DRC11: variants seen among roughly 807,000 people sequenced by gnomAD.
DRC11 encodes the protein dynein regulatory complex subunit 11, also known as IQ and AAA domain-containing protein 1.
the DRC11 span, chr2:236,399,445 G>A: frequency 6.2e-7 from 1 of 1,613,988 alleles, no homozygotes; most frequent in South Asian, 1.1e-5. The surrounding 1 kb of genome is among the most constrained non-coding windows in gnomAD (Gnocchi z 7.0). Context: ...CTTCATTGCA[G>A]GAAGAAAAAG....
the DRC11 span, among the ~76,000 whole-genome samples, chr2:236,448,752 T>C: frequency 1.1e-4 from 16 of 152,142 alleles, no homozygotes; most frequent in Non-Finnish European, 2.2e-4. This position sits in a 1 kb window ranked among gnomAD's most constrained non-coding sequence, Gnocchi z 5.3. Flanking sequence ...ACAAGGCTGG[T>C]GGTCGGGGCA....
chr2:236,490,946 A>G, the DRC11 span, among the ~76,000 whole-genome samples: 5,553 of 147,082 alleles, frequency 0.038, 394 homozygotes, highest in African/African-American at 0.13. The surrounding 1 kb of genome is among the most constrained non-coding windows in gnomAD (Gnocchi z 5.5). Flanking sequence ...ATGAGTGTGT[A>G]TATATATGTG....
At chr2:236,353,846 AG>A in the DRC11 span, among the ~76,000 whole-genome samples, 5 of 151,564 alleles carry the variant, frequency 3.3e-5, no homozygotes, top group African/African-American at 1.2e-4. The surrounding 1 kb of genome is among the most constrained non-coding windows in gnomAD (Gnocchi z 5.0). Flanking sequence ...TTGCAGGGGG[AG>A]GGGGCTCACT....
the DRC11 span, among the ~76,000 whole-genome samples, chr2:236,497,802 T>C: frequency 6.6e-6 from 1 of 152,174 alleles, no homozygotes; most frequent in Admixed American, 6.5e-5. The surrounding 1 kb of genome is among the most constrained non-coding windows in gnomAD (Gnocchi z 5.1). Context: ...AAAGTTGATA[T>C]CCAGAATAGT....
chr2:236,494,012 G>GAAA, the DRC11 span: 1 of 696,832 alleles, frequency 1.4e-6, no homozygotes, highest in Non-Finnish European at 2.0e-6. The surrounding 1 kb of genome is among the most constrained non-coding windows in gnomAD (Gnocchi z 4.2). Context: ...TTTCATTTAA[G>GAAA]AAAAAAAAAA....
chr2:236,340,826 A>T, the DRC11 span, among the ~76,000 whole-genome samples: 1 of 152,194 alleles, frequency 6.6e-6, no homozygotes, highest in East Asian at 1.9e-4. Context: ...GATTCTGGGC[A>T]ATGTCCAGAG....
chr2:236,444,224 T>C, the DRC11 span, among the ~76,000 whole-genome samples: 2 of 152,372 alleles, frequency 1.3e-5, no homozygotes, highest in East Asian at 1.9e-4. Context: ...TTTGCTTTTG[T>C]TGCAATCGCC....
At chr2:236,339,617 T>A in the DRC11 span, among the ~76,000 whole-genome samples, 41 of 152,222 alleles carry the variant, frequency 2.7e-4, no homozygotes, top group African/African-American at 8.9e-4. Flanking sequence ...AACTCTTTCT[T>A]TTGCAGGCAG....
the DRC11 span, among the ~76,000 whole-genome samples, chr2:236,449,445 G>A: frequency 6.6e-6 from 1 of 152,180 alleles, no homozygotes; most frequent in Non-Finnish European, 1.5e-5. The surrounding 1 kb of genome is among the most constrained non-coding windows in gnomAD (Gnocchi z 5.1). Context: ...CCTGGCAGCC[G>A]AGTGACTCAG....
At chr2:236,497,791 C>A in the DRC11 span, among the ~76,000 whole-genome samples, 1 of 152,148 alleles carries the variant, frequency 6.6e-6, no homozygotes, top group Non-Finnish European at 1.5e-5. This position sits in a 1 kb window ranked among gnomAD's most constrained non-coding sequence, Gnocchi z 5.1. Context: ...TAAAAGATGA[C>A]AAAGTTGATA....
chr2:236,435,791 T>C, the DRC11 span, among the ~76,000 whole-genome samples: 1 of 152,080 alleles, frequency 6.6e-6, no homozygotes, highest in Admixed American at 6.6e-5. Flanking sequence ...ATTGGTAGAG[T>C]TGAGTAGTGC....
At chr2:236,337,115 C>T in the DRC11 span, among the ~76,000 whole-genome samples, 1 of 152,108 alleles carries the variant, frequency 6.6e-6, no homozygotes, top group Non-Finnish European at 1.5e-5. This position sits in a 1 kb window ranked among gnomAD's most constrained non-coding sequence, Gnocchi z 4.9. Flanking sequence ...CATGCGCGAG[C>T]GATCCTGGGT....
At chr2:236,324,795 T>C in the DRC11 span, 50 of 1,586,204 alleles carry the variant, frequency 3.2e-5, no homozygotes, top group African/African-American at 1.6e-4. This position sits in a 1 kb window ranked among gnomAD's most constrained non-coding sequence, Gnocchi z 5.7. Context: ...TGAAATACAA[T>C]AGAAGTTTCG....
the DRC11 span, among the ~76,000 whole-genome samples, chr2:236,446,281 T>C: frequency 1.3e-5 from 2 of 152,030 alleles, no homozygotes; most frequent in Non-Finnish European, 2.9e-5. The surrounding 1 kb of genome is among the most constrained non-coding windows in gnomAD (Gnocchi z 6.2). Flanking sequence ...CTACACGAGG[T>C]GTAAAACCTT....
the DRC11 span, among the ~76,000 whole-genome samples, chr2:236,488,795 ATGT>A: frequency 6.6e-6 from 1 of 152,236 alleles, no homozygotes. Flanking sequence ...GGTAAGTAAA[ATGT>A]TGTTTTGGGA....
chr2:236,430,747 C>T, the DRC11 span, among the ~76,000 whole-genome samples: 1 of 152,180 alleles, frequency 6.6e-6, no homozygotes, highest in African/African-American at 2.4e-5. The surrounding 1 kb of genome is among the most constrained non-coding windows in gnomAD (Gnocchi z 6.0). Context: ...GTTAAACTTC[C>T]CACCATGGGT....
the DRC11 span, chr2:236,465,811 C>T: frequency 1.4e-6 from 1 of 724,852 alleles, no homozygotes; most frequent in South Asian, 1.8e-5. This position sits in a 1 kb window ranked among gnomAD's most constrained non-coding sequence, Gnocchi z 6.2. Context: ...TCCATAGTGT[C>T]TAGCAAAGGC....
the DRC11 span, chr2:236,408,334 C>T: frequency 1.3e-6 from 1 of 770,894 alleles, no homozygotes; most frequent in Admixed American, 1.7e-5. This position sits in a 1 kb window ranked among gnomAD's most constrained non-coding sequence, Gnocchi z 5.5. Context: ...CTTGCGCAAG[C>T]CTCAGTGGGT....
chr2:236,471,165 C>T, the DRC11 span, among the ~76,000 whole-genome samples: 1 of 152,174 alleles, frequency 6.6e-6, no homozygotes, highest in Non-Finnish European at 1.5e-5. This position sits in a 1 kb window ranked among gnomAD's most constrained non-coding sequence, Gnocchi z 4.6. Context: ...AGTCAAGGAA[C>T]TTGTCCAGGG....
Sources: gnomAD v4.1 joint callset for allele counts (sites outside exome capture counted in the v4.1 genomes callset) on GRCh38, gnomAD v4.1.1 for gene constraint, Gnocchi (gnomAD v3.1) non-coding constraint, MANE v1.5 for transcripts, NCBI Gene and HGNC (gene_info 2026-07-23, HGNC 2026-07-21) for gene names.